Variants in PGBD5 observed in about 807,000 individuals in gnomAD.
PGBD5 encodes piggyBac transposable element derived 5.
Under a neutral mutation model 47.9 loss-of-function variants are expected in PGBD5, and 14 were observed. The ratio of observed to expected loss-of-function variants is 0.29; its 90% CI spans 0.19 to 0.46. PGBD5 has a LOEUF of 0.46. Ranked by LOEUF, PGBD5 falls within the 20% of genes least tolerant of loss-of-function variation. PGBD5 has a pLI of 1.00. For synonymous variants in PGBD5, 316 were observed against 306.3 expected, an observed-to-expected ratio of 1.03 and a Z score of -0.33; for missense variants, 635 against 716.0, an observed-to-expected ratio of 0.89 and a Z score of 1.29.
At chr1:230,325,537 G>A in intron 5 of PGBD5, 122 bp from the exon 6 acceptor site, 2 of 696,392 alleles carry the variant, frequency 2.9e-6, no homozygotes, top group Non-Finnish European at 5.0e-6. Context: ...AGGAGGAGGA[G>A]GGGAGGGAAG....
At chr1:230,411,059 T>C (rs1657397125) in intron 1 of PGBD5, among the ~76,000 whole-genome samples, 1 of 151,628 alleles carries the variant, frequency 6.6e-6, no homozygotes, top group South Asian at 2.1e-4. Flanking sequence ...GGAAGACTGT[T>C]TGTGCCCAGG....
At chr1:230,374,077 ACT>A (rs1667974930) in intron 1 of PGBD5, among the ~76,000 whole-genome samples, 1 of 152,136 alleles carries the variant, frequency 6.6e-6, no homozygotes, top group African/African-American at 2.4e-5. Context: ...ATGATATAGA[ACT>A]CTCTCTACAT....
intron 1 of PGBD5, among the ~76,000 whole-genome samples, chr1:230,417,378 GT>G (rs1193017062): frequency 6.6e-6 from 1 of 152,160 alleles, no homozygotes; most frequent in Non-Finnish European, 1.5e-5. Context: ...GGGATCCAGG[GT>G]TTGCTACGTA....
chr1:230,396,197 C>T (rs1256146709), intron 1 of PGBD5, among the ~76,000 whole-genome samples: 1 of 106,038 alleles, frequency 9.4e-6, no homozygotes, highest in African/African-American at 4.2e-5. Context: ...TTTACCCCCC[C>T]ACTCTTCCCT....
intron 5 of PGBD5, among the ~76,000 whole-genome samples, chr1:230,328,593 G>A (rs966571170): frequency 6.6e-6 from 1 of 152,178 alleles, no homozygotes; most frequent in African/African-American, 2.4e-5. Flanking sequence ...AGAGCTATAT[G>A]GATCTGCACA....
At chr1:230,351,391 C>T (rs1430328643) in intron 2 of PGBD5, among the ~76,000 whole-genome samples, 1 of 152,138 alleles carries the variant, frequency 6.6e-6, no homozygotes, top group Admixed American at 6.5e-5. Flanking sequence ...GGCCTAAGGT[C>T]CCTTGTCCCA....
intron 1 of PGBD5, chr1:230,362,431 A>ACAGTGGCAAGCTCTTTC: frequency 7.7e-7 from 1 of 1,300,164 alleles, no homozygotes; most frequent in Non-Finnish European, 1.0e-6. Context: ...TCAGACCTGG[A>ACAGTGGCAAGCTCTTTC]CCGTGGCAAG....
rs1055378584 is a variant in PGBD5, at chr1:230,316,145, T to C, written c.*7280A>G. ...ATGTGTATACATACATATGTATATG[T>C]GTACACATATATGTATGTGTATACA... is the stretch of plus-strand genomic sequence containing the variant. On this transcript the variant is annotated 3_prime_UTR_variant, in exon 7 of 7. Coordinates refer to ENST00000391860, the MANE Select transcript of PGBD5 (RefSeq NM_001258311.2). The C allele has an allele frequency of 6.6e-6, 1 of 150,486 alleles. No homozygotes were observed. Among genetic ancestry groups the C allele is most frequent in the African/African-American group, 2.5e-5 (1 of 40,180 alleles). The allele number at this position is 150,486 out of a possible 1,614,324, so 9.3% of individuals were successfully genotyped here. A position where few individuals can be genotyped will look rare whatever the true frequency, so the allele number is the denominator to read the frequency against.
chr1:230,337,075 G>A lies in PGBD5; in HGVS notation c.1075+33C>T, dbSNP rs115427060. On this transcript the variant is annotated intron_variant, in intron 4 of 6. Transcript: ENST00000391860. ...CCACCACTTTCCCAGGGGAGGCTGG[G>A]CCGTATCCTCACTGGCTCCCCACTT... The A allele has an allele frequency of 5.3e-3, 8,551 of 1,604,800 alleles. 34 individuals are homozygous for A. The highest frequency in any genetic ancestry group is 0.024 in the Middle Eastern group (145 of 6,038).
chr1:230,377,596 A>C (rs1668033937), intron 1 of PGBD5: 2 of 1,577,016 alleles, frequency 1.3e-6, no homozygotes, highest in Non-Finnish European at 1.7e-6. Flanking sequence ...TTGCACGAAG[A>C]GAGCTCGAGT....
chr1:230,327,791 A>T (rs10864742), intron 5 of PGBD5, among the ~76,000 whole-genome samples: 1 of 152,168 alleles, frequency 6.6e-6, no homozygotes, highest in African/African-American at 2.4e-5. Context: ...CCTCCTGAGG[A>T]TTCCTGTCCC....
intron 1 of PGBD5, among the ~76,000 whole-genome samples, chr1:230,391,787 G>A: frequency 6.6e-6 from 1 of 152,236 alleles, no homozygotes. Context: ...AAATAGCAGA[G>A]ACTTTATAAT....
chr1:230,403,784 CT>C (rs1250788920), intron 1 of PGBD5, among the ~76,000 whole-genome samples: 3 of 152,230 alleles, frequency 2.0e-5, no homozygotes, highest in Admixed American at 6.5e-5. Context: ...CCCAGGCCCC[CT>C]GAGCCAACGA....
At chr1:230,394,677 C>T (rs1315446740) in intron 1 of PGBD5, among the ~76,000 whole-genome samples, 2 of 139,478 alleles carry the variant, frequency 1.4e-5, no homozygotes, top group Non-Finnish European at 3.1e-5. Context: ...TCCTCTCATT[C>T]CCACCTTCCT....
chr1:230,390,748 TTGTTTG>T (rs1276777777), intron 1 of PGBD5, among the ~76,000 whole-genome samples: 8 of 151,938 alleles, frequency 5.3e-5, no homozygotes, highest in Admixed American at 5.2e-4. Flanking sequence ...CCAGTTTTTT[TTGTTTG>T]TTTGTTTTTG....
chr1:230,342,434 G>A (rs1667419449), intron 3 of PGBD5, among the ~76,000 whole-genome samples: 1 of 152,196 alleles, frequency 6.6e-6, no homozygotes, highest in African/African-American at 2.4e-5. Context: ...GAGCTATGAA[G>A]GTGAAAGTAA....
chr1:230,358,009 T>C (rs1667683411), intron 1 of PGBD5, among the ~76,000 whole-genome samples: 2 of 151,598 alleles, frequency 1.3e-5, no homozygotes, highest in East Asian at 1.9e-4. Flanking sequence ...CACACACACA[T>C]ATATACACAT....
chr1:230,362,660 C>T (rs6671405), intron 1 of PGBD5, among the ~76,000 whole-genome samples: 2 of 152,138 alleles, frequency 1.3e-5, no homozygotes, highest in South Asian at 4.1e-4. Flanking sequence ...GTCTCCCGAC[C>T]CCAGCTAAAG....
intron 1 of PGBD5, among the ~76,000 whole-genome samples, chr1:230,384,410 T>TG (rs1340352574): frequency 6.6e-6 from 1 of 151,994 alleles, no homozygotes; most frequent in Non-Finnish European, 1.5e-5. Flanking sequence ...AGAGGGACTC[T>TG]GGGGAGAGAC....
Sources: allele counts gnomAD v4.1 joint callset (sites outside exome capture counted in the v4.1 genomes callset), GRCh38; gene constraint gnomAD v4.1.1; transcripts MANE v1.5; gene names NCBI Gene and HGNC (gene_info 2026-07-23, HGNC 2026-07-21).